MYO9A: variants seen among roughly 807,000 people sequenced by gnomAD.
MYO9A encodes the protein unconventional myosin-IXa.
In MYO9A, 103 loss-of-function variants were observed where a neutral mutation model predicts 293.3. The ratio of observed to expected loss-of-function variants is 0.35; its 90% CI spans 0.30 to 0.41. The LOEUF is 0.41. Among genes scored for constraint, MYO9A ranks in the 10% least tolerant of loss-of-function variants. MYO9A has a pLI of 1.00. For missense variants in MYO9A, 2,685 were observed against 3,033.0 expected, an observed-to-expected ratio of 0.89 and a Z score of 2.69; for synonymous variants, 1,001 against 1,035.7, an observed-to-expected ratio of 0.97 and a Z score of 0.64.
chr15:71,873,570 T>G (rs2056590529), intron 32 of MYO9A, among the ~76,000 whole-genome samples: 1 of 152,320 alleles, frequency 6.6e-6, no homozygotes, highest in East Asian at 1.9e-4. Flanking sequence ...TTTGTATTAT[T>G]GAAAAATCTG....
intron 7 of MYO9A, among the ~76,000 whole-genome samples, chr15:72,008,489 GGT>G (rs111259580): frequency 1.3e-3 from 177 of 139,884 alleles, no homozygotes; most frequent in Middle Eastern, 3.7e-3. Context: ...GGGGTAAATG[GGT>G]GTGTGTGTGT....
At chr15:71,914,213 C>G (rs1025547336) in intron 19 of MYO9A, among the ~76,000 whole-genome samples, 1 of 152,122 alleles carries the variant, frequency 6.6e-6, no homozygotes, top group Non-Finnish European at 1.5e-5. Context: ...CTTCCTGAGC[C>G]GTAGCAAATC....
In MYO9A at chr15:72,100,941, G is replaced by A. The variant is rs1215664171; in HGVS notation, c.-72+16739C>T. On this transcript the variant is annotated intron_variant, in intron 1 of 41. Transcript: ENST00000356056. ...GGTGGGGGGGGTCAGCCCCCCGCCC[G>A]GCCAGCCGCCGCGTCCCGGAGGGAG... Among the ~76,000 whole-genome samples, 322 of 136,084 alleles carry A rather than the reference G, an allele frequency of 2.4e-3. 7 individuals carry two copies. Among genetic ancestry groups the A allele is most frequent in the African/African-American group, 8.4e-3 (308 of 36,518 alleles). The allele number at this position is 136,084 out of a possible 152,430, so 89.3% of individuals were successfully genotyped here.
Position 71,898,763 on chromosome 15 carries a change from T to C in MYO9A, c.3740A>G (p.Gln1247Arg), listed in dbSNP as rs143652126. The change falls in exon 25 of 42, where the codon CAG becomes CGG. Residue 1247 changes from glutamine (Q) to arginine (R), a missense_variant. Physicochemically the swap from Gln to Arg is conservative, Grantham distance 43 (BLOSUM62 1). Coordinates refer to ENST00000356056, the MANE Select transcript of MYO9A (RefSeq NM_006901.4). Reference sequence around the variant, plus strand: ...TCTCTCTCTTACAAGCACATCTTCCTGCAAGTCCACACCACTCTGGCTTTG... The same window carrying C: ...TCTCTCTCTTACAAGCACATCTTCCCGCAAGTCCACACCACTCTGGCTTTG... ...RAQSQSGVDL[Q>R]EDVLVRERPR... 1,132 of 1,614,152 alleles carry C rather than the reference T, an allele frequency of 7.0e-4. 5 individuals are homozygous for C. The highest frequency in any genetic ancestry group is 3.1e-3 in the Middle Eastern group (19 of 6,062).
chr15:71,823,934 A>C lies in MYO9A; in HGVS notation c.*2646T>G, dbSNP rs148707876. ...TAATGCGGCATCACTTTGTGGTGAC[A>C]TAACTTTACCATGCAGAGGGCCAGT... On this transcript the variant is annotated 3_prime_UTR_variant, in exon 42 of 42. Coordinates refer to ENST00000356056, the MANE Select transcript of MYO9A (RefSeq NM_006901.4). 3.7e-4 allele frequency: 56 copies of C among 152,400 alleles called. No individual in the cohort carries two copies. The highest frequency in any genetic ancestry group is 1.3e-3 in the African/African-American group (56 of 41,594). The allele number at this position is 152,400 out of a possible 1,614,324, so 9.4% of individuals were successfully genotyped here.
chr15:71,879,981 G>A, intron 29 of MYO9A, 144 bp from the exon 30 acceptor site: 1 of 624,632 alleles, frequency 1.6e-6, no homozygotes, highest in Middle Eastern at 2.9e-4. Flanking sequence ...TGAAAGTTAT[G>A]ACTAGACAGT....
intron 6 of MYO9A, among the ~76,000 whole-genome samples, chr15:72,015,670 T>TTA (rs2077310527): frequency 6.6e-6 from 1 of 151,012 alleles, no homozygotes; most frequent in Admixed American, 6.6e-5. Context: ...TACATTGAAG[T>TTA]TACTCAGATC....
chr15:72,105,336 A>G (rs1300488796), intron 1 of MYO9A, among the ~76,000 whole-genome samples: 8 of 151,654 alleles, frequency 5.3e-5, no homozygotes, highest in Non-Finnish European at 1.2e-4. Flanking sequence ...TGATCCTCCC[A>G]TGTCAGCCTT....
chr15:72,045,877 G>A lies in MYO9A; in HGVS notation c.687C>T (p.Arg229=), dbSNP rs760340201. The A allele has an allele frequency of 2.5e-6, 4 of 1,614,058 alleles. No homozygotes were observed. In the Admixed American group the frequency reaches 6.7e-5, roughly 27 times the overall value. The change falls in exon 2 of 42, where the codon CGC becomes CGT. Residue 229 remains arginine (R), a synonymous_variant. Transcript: ENST00000356056. The part of the protein sequence containing the change: ...ADVAYHAMLQ[R]KKNQCIVISG... Reference sequence around the variant, plus strand: ...AAATCACGATGCACTGATTCTTTTTGCGCTGAAGCATGGCATGATAAGCTA... The same window carrying A: ...AAATCACGATGCACTGATTCTTTTTACGCTGAAGCATGGCATGATAAGCTA...
chr15:72,092,776 AT>A (rs201515087), intron 1 of MYO9A, among the ~76,000 whole-genome samples: 1 of 152,056 alleles, frequency 6.6e-6, no homozygotes, highest in African/African-American at 2.4e-5. Context: ...GTCACAAATT[AT>A]TTTTTTCCAA....
At chr15:72,016,609 C>T (rs979878580) in intron 6 of MYO9A, among the ~76,000 whole-genome samples, 1 of 152,012 alleles carries the variant, frequency 6.6e-6, no homozygotes, top group African/African-American at 2.4e-5. Flanking sequence ...TAGTTTGTCC[C>T]CAAATATATT....
Position 72,074,951 on chromosome 15 carries a change from C to CTTTTTTTTTTTT in MYO9A, c.-71-28329_-71-28318dup, listed in dbSNP as rs750462703. On this transcript the variant is annotated intron_variant, in intron 1 of 41. Coordinates refer to ENST00000356056, the MANE Select transcript of MYO9A (RefSeq NM_006901.4). ...CAGTTAGAAATTTCATTTTCACTGC[C>CTTTTTTTTTTTT]TTTTTTTTTTTTTTTTTTTTTTTTT... Among the ~76,000 whole-genome samples, 41 of 53,128 alleles carry CTTTTTTTTTTTT rather than the reference C, an allele frequency of 7.7e-4. 3 individuals carry two copies. Among genetic ancestry groups the CTTTTTTTTTTTT allele is most frequent in the South Asian group, 1.1e-3 (1 of 880 alleles). 34.9% of individuals were successfully genotyped at this position (53,128 alleles called of 152,430 possible). A position where few individuals can be genotyped will look rare whatever the true frequency, so the allele number is the denominator to read the frequency against.
At chr15:72,008,297 C>T (rs548528127) in intron 7 of MYO9A, among the ~76,000 whole-genome samples, 77 of 152,240 alleles carry the variant, frequency 5.1e-4, no homozygotes, top group African/African-American at 1.6e-3. Flanking sequence ...TACACTGTTT[C>T]AGATACACTG....
rs954884343 is a variant in MYO9A, at chr15:72,019,113, T to A, written c.1099-18A>T. On this transcript the variant is annotated intron_variant, in intron 5 of 41. Transcript: ENST00000356056. ...TTTGTTATCTGAAAGTAAGGCAGAT[T>A]AGTTAGGTAGAAGTAATGGTTATTA... 6 of 1,604,162 alleles carry A rather than the reference T, an allele frequency of 3.7e-6. No individual in the cohort carries two copies. The African/African-American group carries it at 8.0e-5, about 21-fold the overall frequency.
intron 1 of MYO9A, among the ~76,000 whole-genome samples, chr15:72,095,830 A>T (rs2080043935): frequency 6.7e-6 from 1 of 149,136 alleles, no homozygotes; most frequent in African/African-American, 2.4e-5. Context: ...CTGTAATCCC[A>T]GCACTTTGGG....
At chr15:72,100,628 G>A (rs954989761) in intron 1 of MYO9A, among the ~76,000 whole-genome samples, 15 of 151,330 alleles carry the variant, frequency 9.9e-5, no homozygotes, top group African/African-American at 3.4e-4. Context: ...TCTGGGATGT[G>A]AGGAGCACCT....
chr15:71,972,401 T>C (rs2076034759), intron 12 of MYO9A: 1 of 152,160 alleles, frequency 6.6e-6, no homozygotes, highest in Admixed American at 6.6e-5. Context: ...CTCCAGCAAA[T>C]TAATTGAACT....
chr15:72,093,248 C>G (rs1244023469), intron 1 of MYO9A, among the ~76,000 whole-genome samples: 1 of 152,142 alleles, frequency 6.6e-6, no homozygotes, highest in Non-Finnish European at 1.5e-5. Context: ...ACTTAGCAAG[C>G]TAGGTGTGGT....
chr15:71,890,150 A>T (rs1305058020), intron 26 of MYO9A: 6 of 152,222 alleles, frequency 3.9e-5, no homozygotes. Context: ...GCTTTGTTTG[A>T]TCAACAGGTT....
Sources: gnomAD v4.1 joint callset for allele counts (sites outside exome capture counted in the v4.1 genomes callset) on GRCh38, gnomAD v4.1.1 for gene constraint, MANE v1.5 for transcripts, NCBI Gene and HGNC (gene_info 2026-07-23, HGNC 2026-07-21) for gene names.